The following PCA3 variants were observed in gnomAD, a reference collection of about 807,000 sequenced individuals.
The protein encoded by PCA3 is prostate cancer associated 3, also known as Differential Display code 3.
intron 2 of PCA3, among the ~76,000 whole-genome samples, chr9:76,774,462 T>TATTTATTTATTTATTTATTTATTTA (rs1554761662): frequency 5.9e-4 from 62 of 104,318 alleles, no homozygotes; most frequent in Admixed American, 1.7e-3. Context: ...TTTTTTTTTT[T>TATTTATTTATTTATTTATTTATTTA]TTTTTTTTTT....
At chr9:76,780,072 G>T (rs2054204842) in intron 2 of PCA3, among the ~76,000 whole-genome samples, 1 of 152,148 alleles carries the variant, frequency 6.6e-6, no homozygotes, top group Admixed American at 6.5e-5. Context: ...TTAAGGATTT[G>T]TCTTTGTTGC....
chr9:76,783,057 T>C (rs907981165), intron 2 of PCA3, among the ~76,000 whole-genome samples: 68 of 152,196 alleles, frequency 4.5e-4, no homozygotes, highest in African/African-American at 1.4e-3. Context: ...ATAGTAGGTA[T>C]TGTGGTGATT....
chr9:76,769,976 G>A (rs1463987564), intron 2 of PCA3, among the ~76,000 whole-genome samples: 2 of 152,010 alleles, frequency 1.3e-5, no homozygotes, highest in Non-Finnish European at 2.9e-5. Flanking sequence ...AGATTAACTA[G>A]ACAAGAGCAG....
At chr9:76,769,611 G>GA (rs2052864433) in intron 2 of PCA3, among the ~76,000 whole-genome samples, 1 of 152,174 alleles carries the variant, frequency 6.6e-6, no homozygotes, top group Admixed American at 6.5e-5. Flanking sequence ...TTTTAGTAGA[G>GA]ATGGGGTTTC....
At chr9:76,781,710 G>C (rs1187877251) in intron 2 of PCA3, among the ~76,000 whole-genome samples, 1 of 152,180 alleles carries the variant, frequency 6.6e-6, no homozygotes, top group African/African-American at 2.4e-5. Flanking sequence ...GCTCCAAGAG[G>C]ATAAGAATTA....
chr9:76,784,310 T>C (rs1162978648), intron 2 of PCA3: 4 of 152,194 alleles, frequency 2.6e-5, no homozygotes, highest in African/African-American at 9.6e-5. Context: ...AAAGTGAGCA[T>C]TACCAATGAG....
chr9:76,775,473 T>G (rs375422752), intron 2 of PCA3, among the ~76,000 whole-genome samples: 56 of 72,690 alleles, frequency 7.7e-4, no homozygotes, highest in Middle Eastern at 6.7e-3. Context: ...ATTTTTGTGG[T>G]TTTTTTTTGT....
chr9:76,766,318 T>A (rs1020280644), intron 2 of PCA3, among the ~76,000 whole-genome samples: 1 of 151,974 alleles, frequency 6.6e-6, no homozygotes, highest in Non-Finnish European at 1.5e-5. Context: ...GCAAAGCCTA[T>A]CTGTGTGGGA....
At chr9:76,787,264 CTTTA>C (rs1266010070) in intron 2 of PCA3, 1 of 147,876 alleles carries the variant, frequency 6.8e-6, no homozygotes. Flanking sequence ...CTTTTATTCT[CTTTA>C]TTATTATTAT....
intron 2 of PCA3, among the ~76,000 whole-genome samples, chr9:76,779,267 T>C (rs2054122381): frequency 6.6e-6 from 1 of 151,948 alleles, no homozygotes; most frequent in Non-Finnish European, 1.5e-5. Context: ...GGATGTTCCT[T>C]AGTCACTTAA....
At chr9:76,783,688 G>C (rs914150921) in intron 2 of PCA3, 13 of 152,178 alleles carry the variant, frequency 8.5e-5, no homozygotes, top group African/African-American at 2.9e-4. Context: ...TCCTCAAATG[G>C]TCGTATGTAT....
chr9:76,781,924 G>T (rs1011634541), intron 2 of PCA3, among the ~76,000 whole-genome samples: 1 of 152,114 alleles, frequency 6.6e-6, no homozygotes, highest in Non-Finnish European at 1.5e-5. Flanking sequence ...GAAAGCATTG[G>T]GAAAGCCTGG....
chr9:76,776,887 AACACATACACACACACACAC>A (rs61621156), intron 2 of PCA3, among the ~76,000 whole-genome samples: 2,787 of 96,528 alleles, frequency 0.029, 104 homozygotes, highest in African/African-American at 0.094. Context: ...TCATTACCAA[AACACATACACACACACACAC>A]ACACACACAC....
chr9:76,778,924 C>T (rs889795287), intron 2 of PCA3: 1 of 152,214 alleles, frequency 6.6e-6, no homozygotes, highest in Non-Finnish European at 1.5e-5. Flanking sequence ...AAAGGAATCT[C>T]TGGTCCTGGG....
At chr9:76,780,985 C>T (rs1043976486) in intron 2 of PCA3, among the ~76,000 whole-genome samples, 2 of 152,174 alleles carry the variant, frequency 1.3e-5, no homozygotes, top group African/African-American at 4.8e-5. Context: ...TGAGAATAAT[C>T]CATGACATTT....
At chr9:76,766,233 A>G (rs1037202928) in intron 2 of PCA3, among the ~76,000 whole-genome samples, 43 of 151,818 alleles carry the variant, frequency 2.8e-4, no homozygotes, top group African/African-American at 1.0e-3. Flanking sequence ...ATGCAATATC[A>G]TTTTTGATTT....
chr9:76,781,803 T>C (rs2054429681), intron 2 of PCA3, among the ~76,000 whole-genome samples: 2 of 152,238 alleles, frequency 1.3e-5, no homozygotes, highest in Non-Finnish European at 2.9e-5. Flanking sequence ...AATGTCTTGG[T>C]ATTTCACCTT....
chr9:76,783,419 G>A (rs912848970), intron 2 of PCA3, among the ~76,000 whole-genome samples: 4 of 152,158 alleles, frequency 2.6e-5, no homozygotes, highest in African/African-American at 9.7e-5. Flanking sequence ...TTACAGGTGT[G>A]AGCCACTGCT....
chr9:76,776,422 G>A (rs2053749928), intron 2 of PCA3, among the ~76,000 whole-genome samples: 1 of 151,488 alleles, frequency 6.6e-6, no homozygotes, highest in African/African-American at 2.4e-5. Flanking sequence ...TTTCACATAG[G>A]ATAATGATCT....
Sources: allele counts gnomAD v4.1 joint callset (sites outside exome capture counted in the v4.1 genomes callset), GRCh38; gene constraint gnomAD v4.1.1; transcripts MANE v1.5; gene names NCBI Gene and HGNC (gene_info 2026-07-23, HGNC 2026-07-21).